The following PCLO variants were observed in gnomAD, a reference collection of about 807,000 sequenced individuals.
PCLO encodes piccolo presynaptic cytomatrix protein, also known as protein piccolo.
Under a neutral mutation model 427.5 loss-of-function variants are expected in PCLO, and 82 were observed. The ratio of observed to expected loss-of-function variants is 0.19; its 90% CI spans 0.16 to 0.23. The LOEUF is 0.23. Among genes scored for constraint, PCLO ranks in the 10% least tolerant of loss-of-function variants. The pLI is 1.00. For synonymous variants in PCLO, 2,357 were observed against 2,155.4 expected (o/e 1.09, Z -2.59); for missense variants, 6,239 against 6,115.9 (o/e 1.02, Z -0.67).
chr7:82,843,548 T>A (rs866535942), intron 13 of PCLO, among the ~76,000 whole-genome samples: 5 of 152,134 alleles, frequency 3.3e-5, no homozygotes, highest in African/African-American at 9.7e-5. Flanking sequence ...AAAAAAAATT[T>A]TTTTAAGCCA....
intron 22 of PCLO, among the ~76,000 whole-genome samples, chr7:82,789,022 T>A (rs1791044065): frequency 1.3e-5 from 2 of 152,024 alleles, no homozygotes; most frequent in Non-Finnish European, 2.9e-5. Context: ...ATATTTTATT[T>A]AAAATATATC....
intron 9 of PCLO, among the ~76,000 whole-genome samples, chr7:82,898,984 A>G (rs898134528): frequency 2.0e-5 from 3 of 151,372 alleles, no homozygotes; most frequent in African/African-American, 7.2e-5. Flanking sequence ...CTCAGTGGTA[A>G]TTATAGTTAA....
At chr7:82,964,823 T>C (rs186236242) in intron 4 of PCLO, among the ~76,000 whole-genome samples, 43 of 152,242 alleles carry the variant, frequency 2.8e-4, no homozygotes, top group African/African-American at 9.9e-4. Context: ...ACTTAGACAA[T>C]GTGTGATGCA....
intron 3 of PCLO, among the ~76,000 whole-genome samples, chr7:83,102,194 T>C (rs1308326465): frequency 2.0e-5 from 3 of 152,000 alleles, no homozygotes; most frequent in Non-Finnish European, 2.9e-5. Context: ...GTATGGTACT[T>C]GTAGATTCTA....
chr7:83,139,748 T>G (rs76217987), intron 2 of PCLO, among the ~76,000 whole-genome samples: 1 of 152,262 alleles, frequency 6.6e-6, no homozygotes, highest in African/African-American at 2.4e-5. Context: ...AGAAAGATAT[T>G]TGATCCATCA....
intron 3 of PCLO, among the ~76,000 whole-genome samples, chr7:83,122,651 C>A (rs960684641): frequency 1.3e-5 from 2 of 151,880 alleles, no homozygotes; most frequent in Non-Finnish European, 2.9e-5. Context: ...AGCAATTAGA[C>A]AAAAGAAAGA....
intron 9 of PCLO, among the ~76,000 whole-genome samples, chr7:82,883,635 C>A (rs1021403927): frequency 3.9e-5 from 6 of 152,114 alleles, no homozygotes; most frequent in Non-Finnish European, 7.3e-5. Context: ...CACACTCATG[C>A]CAAGTTTAAT....
At chr7:83,002,336 T>A (rs979729937) in intron 3 of PCLO, among the ~76,000 whole-genome samples, 1 of 152,020 alleles carries the variant, frequency 6.6e-6, no homozygotes, top group African/African-American at 2.4e-5. Context: ...ATTAATGTTT[T>A]CAATGTAATA....
At position 83,156,395 on chromosome 7, in the gene PCLO, AG is replaced by A; in HGVS notation, c.249-4del. 1 of 1,420,726 alleles carries A rather than the reference AG, an allele frequency of 7.0e-7. No individual in the cohort carries two copies. 88.0% of individuals were successfully genotyped at this position (1,420,726 alleles called of 1,614,324 possible). ...GACTACTATCCAACTCTTGTTTCCT[AG>A]AAGAGTTAAAAAAAAAAAAAAAAAT... On this transcript the variant is annotated splice_region_variant and splice_polypyrimidine_tract_variant and intron_variant, in intron 1 of 24. Coordinates refer to ENST00000333891, the MANE Select transcript of PCLO (RefSeq NM_033026.6).
At chr7:82,805,574 C>A in intron 21 of PCLO, 114 bp downstream of exon 21, 1 of 955,754 alleles carries the variant, frequency 1.0e-6, no homozygotes, top group South Asian at 1.7e-5. Context: ...TCAAGTGTCT[C>A]AGGGACAATG....
chr7:82,870,768 T>TA (rs1399395844), intron 10 of PCLO, among the ~76,000 whole-genome samples: 1 of 151,752 alleles, frequency 6.6e-6, no homozygotes, highest in Non-Finnish European at 1.5e-5. Context: ...TAATTTGATT[T>TA]AAAAAATGAG....
chr7:83,009,949 A>T (rs1323000087), intron 3 of PCLO, among the ~76,000 whole-genome samples: 2 of 152,060 alleles, frequency 1.3e-5, no homozygotes, highest in South Asian at 2.1e-4. Flanking sequence ...TAACATGACA[A>T]GTGGTGAGCA....
intron 3 of PCLO, among the ~76,000 whole-genome samples, chr7:82,996,103 T>C (rs1464773153): frequency 1.3e-5 from 2 of 151,838 alleles, no homozygotes; most frequent in African/African-American, 4.8e-5. Context: ...TAAAATTGTG[T>C]AAAATATTTT....
intron 16 of PCLO, among the ~76,000 whole-genome samples, chr7:82,829,118 C>G (rs1792026621): frequency 6.6e-6 from 1 of 152,130 alleles, no homozygotes; most frequent in Non-Finnish European, 1.5e-5. Flanking sequence ...GTAGAGAAAG[C>G]TATTGAGGAT....
chr7:82,931,727 C>A (rs997787795), intron 6 of PCLO, among the ~76,000 whole-genome samples: 1 of 152,054 alleles, frequency 6.6e-6, no homozygotes, highest in African/African-American at 2.4e-5. Context: ...ACAGTGCAAG[C>A]AAGATGGGAG....
At chr7:82,761,310 A>G (rs964303583) in intron 23 of PCLO, 49 bp downstream of exon 23, 3 of 1,099,048 alleles carry the variant, frequency 2.7e-6, no homozygotes, top group African/African-American at 3.2e-5. Context: ...TGTAAGACAC[A>G]TCCCTAAAAA....
rs546824588 is a variant in PCLO at position 82,979,956 on chromosome 7, C to A, written c.3301-13469G>T. Among the ~76,000 whole-genome samples, 21 of 152,272 alleles carry A rather than the reference C, an allele frequency of 1.4e-4. No individual in the cohort carries two copies. The South Asian group carries it at 3.1e-3, about 23-fold the overall frequency. On this transcript the variant is annotated intron_variant, in intron 3 of 24. Transcript: ENST00000333891. ...TAAAGGGCCTAAGTTCAATTAATTTCTTTAAATGCTAAAGAACAAGAGATA... is the reference window on the plus strand; with the variant it reads ...TAAAGGGCCTAAGTTCAATTAATTTATTTAAATGCTAAAGAACAAGAGATA...
At chr7:83,132,496 C>T (rs532885135) in intron 3 of PCLO, among the ~76,000 whole-genome samples, 4 of 152,226 alleles carry the variant, frequency 2.6e-5, no homozygotes, top group African/African-American at 9.6e-5. Context: ...AATTTGCCAA[C>T]ACACAGAAAA....
intron 3 of PCLO, among the ~76,000 whole-genome samples, chr7:83,102,782 A>T (rs893733180): frequency 6.6e-6 from 1 of 151,908 alleles, no homozygotes; most frequent in Non-Finnish European, 1.5e-5. Flanking sequence ...GCTTTCTTAA[A>T]AAAATCCTTG....
Sources: gnomAD v4.1 joint callset for allele counts (sites outside exome capture counted in the v4.1 genomes callset) on GRCh38, gnomAD v4.1.1 for gene constraint, MANE v1.5 for transcripts, NCBI Gene and HGNC (gene_info 2026-07-23, HGNC 2026-07-21) for gene names.